CAMTA1: variants seen among roughly 807,000 people sequenced by gnomAD.
CAMTA1 encodes the protein calmodulin binding transcription activator 1.
A neutral mutation model predicts 170.9 loss-of-function variants in CAMTA1; 27 were observed. The ratio of observed to expected loss-of-function variants is 0.16; its 90% CI spans 0.12 to 0.22. The LOEUF (loss-of-function observed/expected upper bound fraction) is 0.22, where lower values mean the gene tolerates loss of function less well. Among genes scored for constraint, CAMTA1 ranks in the 10% least tolerant of loss-of-function variants. The probability of loss-of-function intolerance (pLI) is 1.00; values close to 1 mark genes in which losing one functional copy is unlikely to be tolerated. For synonymous variants in CAMTA1, 833 were observed against 891.5 expected (o/e 0.93, Z 1.17); for missense variants, 1,619 against 2,217.2 (o/e 0.73, Z 5.42).
At chr1:7,568,852 C>T (rs2095084535) in intron 6 of CAMTA1, among the ~76,000 whole-genome samples, 1 of 148,502 alleles carries the variant, frequency 6.7e-6, no homozygotes, top group African/African-American at 2.5e-5. Context: ...ATCATCACCA[C>T]ATCATCATCA....
chr1:7,539,557 G>A (rs2094585190), intron 6 of CAMTA1, among the ~76,000 whole-genome samples: 1 of 152,222 alleles, frequency 6.6e-6, no homozygotes, highest in South Asian at 2.1e-4. Context: ...AAGTTTGTGG[G>A]AATGGCGCCT....
At chr1:7,275,658 C>T (rs911320295) in intron 5 of CAMTA1, among the ~76,000 whole-genome samples, 2 of 151,988 alleles carry the variant, frequency 1.3e-5, no homozygotes, top group African/African-American at 4.8e-5. Flanking sequence ...ATAAATTTGG[C>T]AACTTCAATG....
intron 5 of CAMTA1, among the ~76,000 whole-genome samples, chr1:7,328,282 C>G (rs1057295986): frequency 6.6e-6 from 1 of 151,980 alleles, no homozygotes; most frequent in Non-Finnish European, 1.5e-5. Flanking sequence ...GGATTGAGCT[C>G]AGGAGTTTGA....
chr1:7,725,176 T>C (rs914365275), intron 11 of CAMTA1, among the ~76,000 whole-genome samples: 1 of 152,226 alleles, frequency 6.6e-6, no homozygotes, highest in Non-Finnish European at 1.5e-5. Context: ...CGTGCATGTC[T>C]GGAAGGTAGC....
At chr1:7,124,151 G>A (rs1040373063) in intron 4 of CAMTA1, among the ~76,000 whole-genome samples, 2 of 152,150 alleles carry the variant, frequency 1.3e-5, no homozygotes, top group African/African-American at 2.4e-5. Flanking sequence ...TCTACTGAGT[G>A]GGAGAGACTG....
rs1158002158 is a variant in CAMTA1 at position 7,456,511 on chromosome 1, A to G, written c.439-11319A>G. On this transcript the variant is annotated intron_variant, in intron 5 of 22. Transcript: ENST00000303635. The surrounding 1 kb of genome is among the most constrained non-coding windows in gnomAD (Gnocchi z 4.9). ...CACTGATACATTGAAATAGGCTAAA[A>G]GAACAAGAGCCAGTGGGTGGGAGAT... is the stretch of plus-strand genomic sequence containing the variant. 6.6e-6 allele frequency among the ~76,000 whole-genome samples: 1 copy of G among 152,228 alleles called. No individual in the cohort carries two copies. Among genetic ancestry groups the G allele is most frequent in the African/African-American group, 2.4e-5 (1 of 41,464 alleles).
At chr1:7,135,690 G>T (rs1410726037) in intron 4 of CAMTA1, among the ~76,000 whole-genome samples, 2 of 152,030 alleles carry the variant, frequency 1.3e-5, no homozygotes, top group African/African-American at 4.8e-5. Flanking sequence ...TTTTCTCATT[G>T]CAATTATTAC....
In CAMTA1 at chr1:7,664,552, A is replaced by G; in HGVS notation, c.2005A>G (p.Thr669Ala). ...SGHVETRIES[T>A]SSLHLMQFQA... Reference sequence around the variant, plus strand: ...TCACGTGGAGACGCGGATCGAGTCCACTTCCTCCCTCCACCTCATGCAGTT... The same window carrying G: ...TCACGTGGAGACGCGGATCGAGTCCGCTTCCTCCCTCCACCTCATGCAGTT... Residue 669 changes from threonine (T) to alanine (A), a missense_variant, in exon 9 of 23, where the codon ACT becomes GCT. By Grantham distance (58) the Thr-to-Ala change is moderately conservative. Coordinates refer to ENST00000303635, the MANE Select transcript of CAMTA1 (RefSeq NM_015215.4). The G allele has an allele frequency of 1.9e-6, 3 of 1,613,142 alleles. No homozygotes were observed. The highest frequency in any genetic ancestry group is 2.5e-6 in the Non-Finnish European group (3 of 1,180,020).
At chr1:7,601,889 C>T (rs2095446599) in intron 6 of CAMTA1, among the ~76,000 whole-genome samples, 1 of 151,508 alleles carries the variant, frequency 6.6e-6, no homozygotes, top group Non-Finnish European at 1.5e-5. Context: ...GAGATGGCAG[C>T]AGTACAGTCC....
At chr1:7,643,561 G>GA (rs1277794794) in intron 7 of CAMTA1, among the ~76,000 whole-genome samples, 1 of 152,218 alleles carries the variant, frequency 6.6e-6, no homozygotes, top group Admixed American at 6.5e-5. Context: ...TGGGTGGGAG[G>GA]AATTAGGCTT....
At chr1:7,159,544 G>A (rs189936231) in intron 4 of CAMTA1, among the ~76,000 whole-genome samples, 72 of 151,886 alleles carry the variant, frequency 4.7e-4, no homozygotes, top group Non-Finnish European at 6.9e-4. Context: ...TTTTGTTTTC[G>A]TTCTTGTTTT....
intron 1 of CAMTA1, among the ~76,000 whole-genome samples, chr1:6,790,022 C>G (rs1401647517): frequency 6.6e-6 from 1 of 151,442 alleles, no homozygotes; most frequent in Non-Finnish European, 1.5e-5. Flanking sequence ...CCATGTTGGT[C>G]AGGTTGGTCT....
chr1:6,807,770 T>G (rs1415351588), intron 1 of CAMTA1, among the ~76,000 whole-genome samples: 1 of 152,012 alleles, frequency 6.6e-6, no homozygotes, highest in East Asian at 1.9e-4. Flanking sequence ...GGTTAGCTAT[T>G]TAGAACTGCT....
intron 4 of CAMTA1, among the ~76,000 whole-genome samples, chr1:7,097,954 GC>G (rs1642268595): frequency 6.6e-6 from 1 of 152,192 alleles, no homozygotes; most frequent in African/African-American, 2.4e-5. Context: ...TGTGCTTAAT[GC>G]CACTGAACTT....
intron 3 of CAMTA1, among the ~76,000 whole-genome samples, chr1:6,858,087 G>A (rs1663118658): frequency 6.6e-6 from 1 of 152,228 alleles, no homozygotes; most frequent in Non-Finnish European, 1.5e-5. Context: ...GGAATGAGGA[G>A]TGGGATACTG....
In CAMTA1 at chr1:7,195,696, C is replaced by T. The variant is rs1422928202; in HGVS notation, c.303-53795C>T. 1.3e-5 allele frequency among the ~76,000 whole-genome samples: 2 copies of T among 152,186 alleles called. No individual in the cohort carries two copies. The highest frequency in any genetic ancestry group is 2.9e-5 in the Non-Finnish European group (2 of 68,036). On this transcript the variant is annotated intron_variant, in intron 4 of 22. Transcript: ENST00000303635. The surrounding 1 kb of genome is among the most constrained non-coding windows in gnomAD (Gnocchi z 4.1). ...TGCTTATATTTAGCCAGCCATTGCT[C>T]ACAGCAGAAGGATAAAGGGGTTCGA...
intron 3 of CAMTA1, among the ~76,000 whole-genome samples, chr1:6,849,636 T>C (rs1326843096): frequency 6.7e-6 from 1 of 150,124 alleles, no homozygotes; most frequent in Non-Finnish European, 1.5e-5. Context: ...AAAAAAAAAT[T>C]ATATATATAT....
chr1:7,400,868 A>G (rs897535647), intron 5 of CAMTA1, among the ~76,000 whole-genome samples: 1 of 152,190 alleles, frequency 6.6e-6, no homozygotes, highest in African/African-American at 2.4e-5. Context: ...TTGCATGCTG[A>G]GGGAGTATTT....
intron 5 of CAMTA1, among the ~76,000 whole-genome samples, chr1:7,315,198 C>T (rs12128469): frequency 0.24 from 37,092 of 152,168 alleles, 5,111 homozygotes; most frequent in Middle Eastern, 0.44. Flanking sequence ...AATCTACCCA[C>T]GCACCTTAGG....
Sources: allele counts gnomAD v4.1 joint callset (sites outside exome capture counted in the v4.1 genomes callset), GRCh38; gene constraint gnomAD v4.1.1; non-coding constraint Gnocchi (gnomAD v3.1); transcripts MANE v1.5; gene names NCBI Gene and HGNC (gene_info 2026-07-23, HGNC 2026-07-21).